The following COL6A3 variants were observed in gnomAD, a reference collection of about 807,000 sequenced individuals.
The protein encoded by COL6A3 is collagen alpha-3(VI) chain.
A neutral mutation model predicts 274.1 loss-of-function variants in COL6A3; 137 were observed. The observed-to-expected ratio is 0.50, with a 90% CI of 0.44 to 0.58. The LOEUF (loss-of-function observed/expected upper bound fraction) is 0.58, where lower values mean the gene tolerates loss of function less well. Ranked by LOEUF, COL6A3 falls within the 20% of genes least tolerant of loss-of-function variation. The pLI is 0.00. For synonymous variants in COL6A3, 1,650 were observed against 1,650.6 expected (o/e 1.00, Z 0.01); for missense variants, 3,950 against 4,124.9 (o/e 0.96, Z 1.16).
rs576266109 is a variant in COL6A3 at position 237,359,558 on chromosome 2, G to A, written c.6283-170C>T. ...GGATTCCTCTCTCACCACCACGTGC[G>A]ATGTTTTAAAACTAAAACTAGAACT... On this transcript the variant is annotated intron_variant, in intron 17 of 43. Transcript: ENST00000295550. 5.3e-5 allele frequency among the ~76,000 whole-genome samples: 8 copies of A among 152,326 alleles called. 1 individual carries two copies. The highest frequency in any genetic ancestry group is 4.1e-4 in the South Asian group (2 of 4,826).
chr2:237,334,575 T>G, intron 41 of COL6A3, 51 bp downstream of exon 41: 1 of 1,594,060 alleles, frequency 6.3e-7, no homozygotes, highest in Non-Finnish European at 8.6e-7. Context: ...GTGTCCTATT[T>G]GATACTCTAC....
intron 42 of COL6A3, among the ~76,000 whole-genome samples, chr2:237,330,680 G>T (rs954108793): frequency 6.6e-6 from 1 of 152,150 alleles, no homozygotes; most frequent in Non-Finnish European, 1.5e-5. Context: ...AGATCTTATG[G>T]AGGACAAAAA....
chr2:237,396,654 G>T, intron 2 of COL6A3, 73 bp downstream of exon 2: 1 of 1,431,628 alleles, frequency 7.0e-7, no homozygotes, highest in Non-Finnish European at 9.9e-7. Context: ...CTATGTCAGT[G>T]CCTGATGTCT....
chr2:237,401,456 C>T (rs548805159), intron 1 of COL6A3, among the ~76,000 whole-genome samples: 4 of 151,250 alleles, frequency 2.6e-5, no homozygotes, highest in African/African-American at 9.7e-5. Flanking sequence ...TATATATACA[C>T]ACACAATGGA....
chr2:237,356,536 C>G (rs559786194), intron 23 of COL6A3, among the ~76,000 whole-genome samples: 1 of 152,290 alleles, frequency 6.6e-6, no homozygotes, highest in South Asian at 2.1e-4. Context: ...AGTGCCGGGC[C>G]GAACGAGCCA....
chr2:237,371,674 C>G lies in COL6A3; in HGVS notation c.4285+58G>C. On this transcript the variant is annotated intron_variant, in intron 9 of 43. Coordinates refer to ENST00000295550, the MANE Select transcript of COL6A3 (RefSeq NM_004369.4). This position sits in a 1 kb window ranked among gnomAD's most constrained non-coding sequence, Gnocchi z 4.3. ...TATTATGAGTACCATGGCCTTTGAG[C>G]CTGTTATTTTTCATATGGAAAATGC... is the stretch of plus-strand genomic sequence containing the variant. 1 of 1,530,374 alleles carries G rather than the reference C, an allele frequency of 6.5e-7. No homozygotes were observed. The highest frequency in any genetic ancestry group is 1.3e-5 in the South Asian group (1 of 76,312). 94.8% of individuals were successfully genotyped at this position (1,530,374 alleles called of 1,614,324 possible).
chr2:237,377,228 C>T lies in COL6A3; in HGVS notation c.2614G>A (p.Gly872Arg). 6.2e-7 allele frequency: 1 copy of T among 1,613,154 alleles called. No individual in the cohort carries two copies. The highest frequency in any genetic ancestry group is 8.5e-7 in the Non-Finnish European group (1 of 1,180,036). Reference sequence around the variant, plus strand: ...TACTGAGCCACCGCAATTCGGGTCCCCTCTGGCTTCACATTGAGCTCATCG... The same window carrying T: ...TACTGAGCCACCGCAATTCGGGTCCTCTCTGGCTTCACATTGAGCTCATCG... ...IIDELNVKPE[G>R]TRIAVAQYSD... Residue 872 changes from glycine (G) to arginine (R), a missense_variant, in exon 7 of 44, where the codon GGG (glycine) becomes AGG (arginine). Gly to Arg is a moderately radical substitution (Grantham distance 125). This residue lies in a region of COL6A3 where 1,934 missense variants were observed against 1,984.3 expected (regional missense o/e 0.97). Coordinates refer to ENST00000295550, the MANE Select transcript of COL6A3 (RefSeq NM_004369.4).
Position 237,377,210 on chromosome 2 carries a change from C to A in COL6A3, c.2632G>T (p.Ala878Ser), listed in dbSNP as rs957717430. ...ACCTTGACATCATCGCTGTACTGAG[C>A]CACCGCAATTCGGGTCCCCTCTGGC... ...VKPEGTRIAV[A>S]QYSDDVKVES... The change falls in exon 7 of 44, where the codon GCT (alanine) becomes TCT (serine). Residue 878 changes from alanine to serine, a missense_variant. Physicochemically the swap from Ala to Ser is moderately conservative, Grantham distance 99 (BLOSUM62 1). Around this residue, in one of 5 missense-constraint regions of COL6A3, gnomAD observed 1,934 missense variants for 1,984.3 expected, o/e 0.97. Coordinates refer to ENST00000295550, the MANE Select transcript of COL6A3 (RefSeq NM_004369.4). The A allele has an allele frequency of 3.7e-6, 6 of 1,613,834 alleles. No homozygotes were observed. Among genetic ancestry groups the A allele is most frequent in the Middle Eastern group, 1.6e-4 (1 of 6,062 alleles).
intron 5 of COL6A3, among the ~76,000 whole-genome samples, chr2:237,380,632 G>A (rs148861125): frequency 6.6e-6 from 1 of 152,336 alleles, no homozygotes; most frequent in African/African-American, 2.4e-5. Context: ...GATAAGAACT[G>A]AGATGTGACC....
At chr2:237,331,454 CA>C (rs1216607276) in intron 42 of COL6A3, among the ~76,000 whole-genome samples, 1 of 152,162 alleles carries the variant, frequency 6.6e-6, no homozygotes, top group Non-Finnish European at 1.5e-5. Context: ...TCTGGTTATC[CA>C]TTTTGAATTT....
intron 31 of COL6A3, 57 bp from the exon 32 acceptor site, chr2:237,346,622 C>T: frequency 6.7e-7 from 1 of 1,497,552 alleles, no homozygotes. Flanking sequence ...GAATTTAAGG[C>T]TCCTATAGTT....
rs750427020 is a variant in COL6A3, at chr2:237,336,158, T to G, written c.8942A>C (p.Lys2981Thr). ...RPQAAKPAAT[K>T]PATTKPMVKM... ...ACCCATGGGCTTAGTGGTGGCTGGC[T>G]TGGTGGCAGCTGGTTTGGCTGCCTG... Residue 2981 changes from lysine (K) to threonine (T), a missense_variant, in exon 40 of 44, where the codon AAG becomes ACG. Lys to Thr is a moderately conservative substitution (Grantham distance 78). Transcript: ENST00000295550. 6.2e-7 allele frequency: 1 copy of G among 1,613,434 alleles called. No individual in the cohort carries two copies. Among genetic ancestry groups the G allele is most frequent in the Non-Finnish European group, 8.5e-7 (1 of 1,179,984 alleles).
rs1320749931 is a variant in COL6A3, at chr2:237,364,204, G to T, written c.5917+146C>A. ...CCCACAGCTCCAAGCAGGTGATGAA[G>T]GGCCACAACGCTGGGAGGAAGAGTC... On this transcript the variant is annotated intron_variant, in intron 13 of 43. Coordinates refer to ENST00000295550, the MANE Select transcript of COL6A3 (RefSeq NM_004369.4). The surrounding 1 kb of genome is among the most constrained non-coding windows in gnomAD (Gnocchi z 4.6). The T allele has an allele frequency of 4.3e-6, 3 of 705,480 alleles. No individual in the cohort carries two copies. Among genetic ancestry groups the T allele is most frequent in the Non-Finnish European group, 7.6e-6 (3 of 394,254 alleles). 43.7% of individuals were successfully genotyped at this position (705,480 alleles called of 1,614,324 possible). A position where few individuals can be genotyped will look rare whatever the true frequency, so the allele number is the denominator to read the frequency against.
At chr2:237,390,547 T>C (rs2078261832) in intron 3 of COL6A3, among the ~76,000 whole-genome samples, 2 of 151,940 alleles carry the variant, frequency 1.3e-5, no homozygotes. Context: ...TTTAAAATTG[T>C]CTGGTTTTCT....
chr2:237,406,516 C>T (rs2078722542), intron 1 of COL6A3, among the ~76,000 whole-genome samples: 1 of 152,154 alleles, frequency 6.6e-6, no homozygotes, highest in Non-Finnish European at 1.5e-5. Context: ...GAGCCGTGCA[C>T]ACTGACTGTG....
rs1352944056 is a variant in COL6A3 at position 237,336,435 on chromosome 2, G to T, written c.8665C>A (p.Pro2889Thr). 1.2e-5 allele frequency: 20 copies of T among 1,614,112 alleles called. No individual in the cohort carries two copies. In the Admixed American group the frequency reaches 2.8e-4, roughly 23 times the overall value. Residue 2889 changes from proline (P) to threonine (T), a missense_variant, in exon 40 of 44, where the codon CCT becomes ACT. Physicochemically the swap from Pro to Thr is conservative, Grantham distance 38. Coordinates refer to ENST00000295550, the MANE Select transcript of COL6A3 (RefSeq NM_004369.4). ...TTKPVTTTTK[P>T]VTTTTKPVTI... ...ACAGGCTTTGTTGTGGTGGTTACAG[G>T]CTTTGTTGTGGTGGTCACCGGCTTC...
At chr2:237,336,583 A>G in intron 39 of COL6A3, 51 bp from the exon 40 acceptor site, 2 of 1,584,032 alleles carry the variant, frequency 1.3e-6, no homozygotes, top group Non-Finnish European at 1.7e-6. Context: ...TATCTAAAAT[A>G]AATAAAGACA....
At chr2:237,385,709 G>A (rs760809354) in intron 4 of COL6A3, among the ~76,000 whole-genome samples, 30 of 152,196 alleles carry the variant, frequency 2.0e-4, no homozygotes, top group Non-Finnish European at 3.4e-4. Flanking sequence ...TCACTTGATT[G>A]TTTTCTTAAT....
In COL6A3 at chr2:237,346,451, G is replaced by A. The variant is rs549656577; in HGVS notation, c.7092+52C>T. 39 of 1,521,152 alleles carry A rather than the reference G, an allele frequency of 2.6e-5. No homozygotes were observed. In the East Asian group the frequency reaches 3.6e-4, roughly 14 times the overall value. The allele number at this position is 1,521,152 out of a possible 1,614,324, so 94.2% of individuals were successfully genotyped here. A position where few individuals can be genotyped will look rare whatever the true frequency, so the allele number is the denominator to read the frequency against. ...ATGGTGGGAAGTTTTCAGGGACCAC[G>A]TGTAAAGCACCCAGCCCCAGGTGGC... On this transcript the variant is annotated intron_variant, in intron 32 of 43. Coordinates refer to ENST00000295550, the MANE Select transcript of COL6A3 (RefSeq NM_004369.4).
Sources: allele counts gnomAD v4.1 joint callset (sites outside exome capture counted in the v4.1 genomes callset), GRCh38; gene constraint gnomAD v4.1.1; regional missense constraint gnomAD v4.1.1; non-coding constraint Gnocchi (gnomAD v3.1); transcripts MANE v1.5; gene names NCBI Gene and HGNC (gene_info 2026-07-23, HGNC 2026-07-21).